Variants in ATP6V1C2 observed in about 807,000 individuals in gnomAD.
ATP6V1C2 encodes the protein ATPase H+ transporting V1 subunit C2, also known as V-type proton ATPase subunit C 2.
ATP6V1C2 carries 45 observed loss-of-function variants against 56.8 expected under a neutral mutation model. The ratio of observed to expected loss-of-function variants is 0.79; its 90% confidence interval spans 0.62 to 1.02. ATP6V1C2 has a LOEUF of 1.02. Among genes scored for constraint, ATP6V1C2 ranks in the 50% least tolerant of loss-of-function variants. The pLI is 0.00. For synonymous variants in ATP6V1C2, 220 were observed against 201.3 expected (o/e 1.09, Z -0.79); for missense variants, 463 against 519.7 (o/e 0.89, Z 1.06).
At chr2:10,724,313 G>A (rs1661522772) in intron 2 of ATP6V1C2, among the ~76,000 whole-genome samples, 1 of 152,132 alleles carries the variant, frequency 6.6e-6, no homozygotes, top group African/African-American at 2.4e-5. Context: ...ATTTGCTAAC[G>A]TTTGTTGAGC....
In ATP6V1C2 at chr2:10,764,319, G is replaced by C; in HGVS notation, c.284-12G>C. ...CAGGCTCATGTGTTGAAATGTGTTT[G>C]TATTCTTCCAGTTGACTTAACATCC... On this transcript the variant is annotated splice_polypyrimidine_tract_variant and intron_variant, in intron 4 of 13. Coordinates refer to ENST00000272238, the MANE Select transcript of ATP6V1C2 (RefSeq NM_001039362.2). 6.2e-7 allele frequency: 1 copy of C among 1,601,246 alleles called. No homozygotes were observed. The highest frequency in any genetic ancestry group is 8.6e-7 in the Non-Finnish European group (1 of 1,168,388).
At position 10,741,306 on chromosome 2, in the gene ATP6V1C2, G is replaced by A. The variant is rs890305274; in HGVS notation, c.198-12675G>A. 1.5e-4 allele frequency among the ~76,000 whole-genome samples: 23 copies of A among 152,348 alleles called. No homozygotes were observed. The South Asian group carries it at 4.8e-3, about 32-fold the overall frequency. On this transcript the variant is annotated intron_variant, in intron 3 of 13. Coordinates refer to ENST00000272238, the MANE Select transcript of ATP6V1C2 (RefSeq NM_001039362.2). ...AAGAAAATCACTTAATTGCTGTGGA[G>A]TCACATTTTCCTGGTGACTTTGCTG... is the stretch of plus-strand genomic sequence containing the variant.
At chr2:10,729,456 A>AC (rs1347772130) in intron 3 of ATP6V1C2, among the ~76,000 whole-genome samples, 1 of 152,172 alleles carries the variant, frequency 6.6e-6, no homozygotes, top group Admixed American at 6.5e-5. Context: ...AATACAAATC[A>AC]CCCATAATTA....
chr2:10,772,637 G>T, intron 8 of ATP6V1C2, 27 bp downstream of exon 8: 1 of 1,595,548 alleles, frequency 6.3e-7, no homozygotes, highest in Non-Finnish European at 8.6e-7. Context: ...CTTGGTCCCA[G>T]GGCCCCTGGG....
intron 3 of ATP6V1C2, among the ~76,000 whole-genome samples, chr2:10,727,646 C>T (rs1467499214): frequency 6.6e-6 from 1 of 152,168 alleles, no homozygotes; most frequent in African/African-American, 2.4e-5. Context: ...CCCCTATAAT[C>T]CCAGCATTTT....
intron 3 of ATP6V1C2, 125 bp from the exon 4 acceptor site, chr2:10,753,856 T>A: frequency 1.2e-6 from 1 of 827,286 alleles, no homozygotes; most frequent in Non-Finnish European, 2.0e-6. Context: ...TTAACCCTCT[T>A]CATACATCTT....
chr2:10,760,845 G>A (rs1663866932), intron 4 of ATP6V1C2, among the ~76,000 whole-genome samples: 1 of 152,226 alleles, frequency 6.6e-6, no homozygotes, highest in Non-Finnish European at 1.5e-5. Flanking sequence ...TGGACTTGGT[G>A]CAAATGGCCA....
Position 10,784,584 on chromosome 2 carries a change from G to A in ATP6V1C2, c.*1321G>A, listed in dbSNP as rs188477336. ...ACTTGAACGTGTCCTTTTGAGGAGG[G>A]TGGGACACAACAGTACAGAAATAAG... On this transcript the variant is annotated 3_prime_UTR_variant, in exon 14 of 14. Coordinates refer to ENST00000272238, the MANE Select transcript of ATP6V1C2 (RefSeq NM_001039362.2). 1.3e-5 allele frequency: 7 copies of A among 525,398 alleles called. No homozygotes were observed. Among genetic ancestry groups the A allele is most frequent in the African/African-American group, 9.5e-5 (5 of 52,536 alleles). 32.5% of individuals were successfully genotyped at this position (525,398 alleles called of 1,614,324 possible). A position where few individuals can be genotyped will look rare whatever the true frequency, so the allele number is the denominator to read the frequency against.
Position 10,759,728 on chromosome 2 carries a change from C to T in ATP6V1C2, c.284-4603C>T, listed in dbSNP as rs977516731. ...GCACGGTGGCTCACGCCTGTAATCCCAGCACTTTGGGTGTCTCAGCCTCAT... is the reference window on the plus strand; with the variant it reads ...GCACGGTGGCTCACGCCTGTAATCCTAGCACTTTGGGTGTCTCAGCCTCAT... On this transcript the variant is annotated intron_variant, in intron 4 of 13. Transcript: ENST00000272238. Among the ~76,000 whole-genome samples the T allele has an allele frequency of 2.6e-5, 4 of 151,740 alleles. No individual in the cohort carries two copies. The South Asian group carries it at 8.4e-4, about 32-fold the overall frequency.
At position 10,783,136 on chromosome 2, in the gene ATP6V1C2, T is replaced by C. The variant is rs147356739; in HGVS notation, c.1195-38T>C. 7.1e-4 allele frequency: 1,079 copies of C among 1,513,002 alleles called. 8 individuals carry two copies. The African/African-American group carries it at 0.013, about 19-fold the overall frequency. 93.7% of individuals were successfully genotyped at this position (1,513,002 alleles called of 1,614,324 possible). A position where few individuals can be genotyped will look rare whatever the true frequency, so the allele number is the denominator to read the frequency against. ...CTAAAAGGATAAGACAGGAAACTAG[T>C]TTATGCACTTAGAGCATTACCATGT... On this transcript the variant is annotated intron_variant, in intron 13 of 13. Transcript: ENST00000272238.
At position 10,785,066 on chromosome 2, in the gene ATP6V1C2, T is replaced by C; in HGVS notation, c.*1803T>C. The C allele has an allele frequency of 7.7e-7, 1 of 1,301,996 alleles. No homozygotes were observed. Among genetic ancestry groups the C allele is most frequent in the Admixed American group, 2.0e-5 (1 of 50,906 alleles). 80.7% of individuals were successfully genotyped at this position (1,301,996 alleles called of 1,614,324 possible). The stretch of plus-strand genomic sequence containing the variant: ...AATGACCAAAACACACACACACATT[T>C]ACAATGGACTGCTGGTGCAGAAGAA... On this transcript the variant is annotated 3_prime_UTR_variant, in exon 14 of 14. Coordinates refer to ENST00000272238, the MANE Select transcript of ATP6V1C2 (RefSeq NM_001039362.2).
intron 1 of ATP6V1C2, 139 bp from the exon 2 acceptor site, chr2:10,722,685 G>A: frequency 2.2e-6 from 2 of 917,998 alleles, no homozygotes; most frequent in Non-Finnish European, 1.6e-6. Flanking sequence ...GGAGATAAGA[G>A]CTTTGCTTTT....
chr2:10,778,460 C>T, intron 11 of ATP6V1C2, 112 bp from the exon 12 acceptor site: 1 of 947,524 alleles, frequency 1.1e-6, no homozygotes, highest in Non-Finnish European at 1.6e-6. Context: ...CTTCTGGCTC[C>T]TGGGCACTTC....
chr2:10,783,409 ATTTT>A lies in ATP6V1C2; in HGVS notation c.*150_*153del, dbSNP rs904175287. On this transcript the variant is annotated 3_prime_UTR_variant, in exon 14 of 14. Transcript: ENST00000272238. ...ACAAAAGTTAGTGACAGTTGTATTT[ATTTT>A]TTTAAGTTACAATAAAATGCTCTCA... The A allele has an allele frequency of 1.9e-6, 1 of 531,840 alleles. No homozygotes were observed. The highest frequency in any genetic ancestry group is 3.3e-6 in the Non-Finnish European group (1 of 303,522). 32.9% of individuals were successfully genotyped at this position (531,840 alleles called of 1,614,324 possible).
At chr2:10,773,282 G>A (rs528621158) in intron 8 of ATP6V1C2, among the ~76,000 whole-genome samples, 1 of 151,774 alleles carries the variant, frequency 6.6e-6, no homozygotes, top group African/African-American at 2.4e-5. Flanking sequence ...CCACACTCAG[G>A]ATGGTAGTGG....
At position 10,778,584 on chromosome 2, in the gene ATP6V1C2, C is replaced by T. The variant is rs371954373; in HGVS notation, c.976C>T (p.Arg326Cys). 38 of 1,614,046 alleles carry T rather than the reference C, an allele frequency of 2.4e-5. No homozygotes were observed. The highest frequency in any genetic ancestry group is 2.9e-5 in the Non-Finnish European group (34 of 1,180,006). Residue 326 changes from arginine to cysteine, a missense_variant, in exon 12 of 14, where the codon CGC becomes TGC. Coordinates refer to ENST00000272238, the MANE Select transcript of ATP6V1C2 (RefSeq NM_001039362.2). ...TCTGTCTTTGCAGGGCCCCCTGCTG[C>T]GCTGGCTCAAGGTGAACTTCAGTGA... The part of the protein sequence containing the change: ...SEGEGEGPLL[R>C]WLKVNFSEAF...
At chr2:10,722,267 A>G (rs1661408408) in intron 1 of ATP6V1C2, among the ~76,000 whole-genome samples, 1 of 152,172 alleles carries the variant, frequency 6.6e-6, no homozygotes, top group African/African-American at 2.4e-5. Context: ...CCTAGTGGAA[A>G]AAAGACTTTA....
At chr2:10,754,633 C>T (rs144535291) in intron 4 of ATP6V1C2, among the ~76,000 whole-genome samples, 183 of 149,824 alleles carry the variant, frequency 1.2e-3, no homozygotes, top group African/African-American at 4.1e-3. Context: ...AATGCAGTGG[C>T]GCAATCTCGG....
chr2:10,762,131 G>C (rs1663947320), intron 4 of ATP6V1C2, among the ~76,000 whole-genome samples: 1 of 151,596 alleles, frequency 6.6e-6, no homozygotes, highest in South Asian at 2.1e-4. Context: ...GGTTTTAATG[G>C]GGTTGAAGCA....
Sources: gnomAD v4.1 joint callset for allele counts (sites outside exome capture counted in the v4.1 genomes callset) on GRCh38, gnomAD v4.1.1 for gene constraint, MANE v1.5 for transcripts, NCBI Gene and HGNC (gene_info 2026-07-23, HGNC 2026-07-21) for gene names.